The following MYCBPAP variants were observed in gnomAD, a reference collection of about 807,000 sequenced individuals.
MYCBPAP encodes MYCBP-associated protein.
In MYCBPAP, 60 loss-of-function variants were observed where a neutral mutation model predicts 106.1. The ratio of observed to expected loss-of-function variants is 0.57; its 90% CI spans 0.46 to 0.70. MYCBPAP has a LOEUF of 0.70. Among genes scored for constraint, MYCBPAP ranks in the 30% least tolerant of loss-of-function variants. The probability of loss-of-function intolerance (pLI) is 0.00; values close to 1 mark genes in which losing one functional copy is unlikely to be tolerated. For missense variants in MYCBPAP, 1,064 were observed against 1,169.3 expected, an observed-to-expected ratio of 0.91 and a Z score of 1.31; for synonymous variants, 407 against 440.6, an observed-to-expected ratio of 0.92 and a Z score of 0.95.
chr17:50,529,775 G>T, intron 18 of MYCBPAP: 1 of 456,678 alleles, frequency 2.2e-6, no homozygotes, highest in Admixed American at 2.3e-5. Context: ...GTGCATCCTG[G>T]CAGATGCGTT....
intron 18 of MYCBPAP, 55 bp from the exon 19 acceptor site, chr17:50,531,272 T>C: frequency 8.3e-7 from 1 of 1,208,684 alleles, no homozygotes; most frequent in Non-Finnish European, 1.2e-6. Flanking sequence ...ATAGTTCATA[T>C]ATAGGTGCTT....
chr17:50,508,303 A>C, upstream of MYCBPAP: 1 of 420,980 alleles, frequency 2.4e-6, no homozygotes, highest in Non-Finnish European at 4.2e-6. Context: ...CACCCCTACC[A>C]GCCAGCCACT....
intron 1 of MYCBPAP, among the ~76,000 whole-genome samples, chr17:50,515,568 A>G (rs764133241): frequency 6.6e-6 from 1 of 152,152 alleles, no homozygotes; most frequent in Non-Finnish European, 1.5e-5. Context: ...GTCCCAAACC[A>G]CTGTGCATCA....
At position 50,518,957 on chromosome 17, in the gene MYCBPAP, C is replaced by G; in HGVS notation, c.653-17C>G. 1 of 1,608,764 alleles carries G rather than the reference C, an allele frequency of 6.2e-7. No homozygotes were observed. Among genetic ancestry groups the G allele is most frequent in the Non-Finnish European group, 8.5e-7 (1 of 1,175,840 alleles). ...TCTGGTTCGGCAGAGTGGCGGCAAT[C>G]TTGCCTCTCTCTCTAGAACACCTAA... On this transcript the variant is annotated splice_polypyrimidine_tract_variant and intron_variant, in intron 5 of 18. Transcript: ENST00000323776.
intron 18 of MYCBPAP, among the ~76,000 whole-genome samples, chr17:50,530,667 A>G (rs2034607584): frequency 6.6e-6 from 1 of 151,208 alleles, no homozygotes; most frequent in Non-Finnish European, 1.5e-5. Context: ...CTGGGCTTGT[A>G]TGATCCAACC....
chr17:50,508,653 TTTCATGGTGCCGGGCG>T lies in MYCBPAP; in HGVS notation c.-21_-6del, dbSNP rs1192473195. The T allele has an allele frequency of 4.4e-6, 7 of 1,595,306 alleles. No homozygotes were observed. Among genetic ancestry groups the T allele is most frequent in the Non-Finnish European group, 6.0e-6 (7 of 1,168,910 alleles). On this transcript the variant is annotated 5_prime_UTR_variant, in exon 1 of 19. It removes an upstream start codon present in the reference 5' UTR. Coordinates refer to ENST00000323776, the MANE Select transcript of MYCBPAP (RefSeq NM_032133.6). Reference sequence around the variant, plus strand: ...TCTGGGCCGGCGGTGCAGGGCAACGTTTCATGGTGCCGGGCGGCACCATGAAGTCTCTAAAGAAGGA... The same window carrying T: ...TCTGGGCCGGCGGTGCAGGGCAACGTGCACCATGAAGTCTCTAAAGAAGGA...
In MYCBPAP at chr17:50,508,649, AACGTTTCATGGTGCCGGG is replaced by A; in HGVS notation, c.-25_-8del. On this transcript the variant is annotated 5_prime_UTR_variant, in exon 1 of 19. An upstream start codon of the reference 5' UTR is lost. Coordinates refer to ENST00000323776, the MANE Select transcript of MYCBPAP (RefSeq NM_032133.6). ...TGTCTCTGGGCCGGCGGTGCAGGGC[AACGTTTCATGGTGCCGGG>A]CGGCACCATGAAGTCTCTAAAGAAG... 8.8e-6 allele frequency: 14 copies of A among 1,592,816 alleles called. No homozygotes were observed. Among genetic ancestry groups the A allele is most frequent in the Non-Finnish European group, 1.2e-5 (14 of 1,167,382 alleles).
chr17:50,528,251 G>C lies in MYCBPAP; in HGVS notation c.2388G>C (p.Leu796Phe), dbSNP rs1219057261. Reference sequence around the variant, plus strand: ...TGCCTGAGAAGGAGACCATCTATTTGAATGTGCCTGAAGAGCAAGGTCAGA... The same window carrying C: ...TGCCTGAGAAGGAGACCATCTATTTCAATGTGCCTGAAGAGCAAGGTCAGA... ...LGLPEKETIY[L>F]NVPEEQDQKS... is the part of the protein sequence containing the mutation. Residue 796 changes from leucine (L) to phenylalanine (F), a missense_variant, in exon 16 of 19, where the codon TTG becomes TTC. Transcript: ENST00000323776. 1.2e-6 allele frequency: 2 copies of C among 1,613,752 alleles called. No individual in the cohort carries two copies. The highest frequency in any genetic ancestry group is 4.5e-5 in the East Asian group (2 of 44,882).
At chr17:50,511,185 T>G (rs1485742854) in intron 1 of MYCBPAP, among the ~76,000 whole-genome samples, 2 of 151,942 alleles carry the variant, frequency 1.3e-5, no homozygotes, top group African/African-American at 2.4e-5. Flanking sequence ...CAGTGTCATT[T>G]TGTAACCTTG....
intron 6 of MYCBPAP, 97 bp downstream of exon 6, chr17:50,519,186 C>A: frequency 1.2e-6 from 1 of 849,570 alleles, no homozygotes; most frequent in Non-Finnish European, 1.9e-6. Flanking sequence ...TCTCAGGTGG[C>A]ACAGCTGGGG....
intron 13 of MYCBPAP, among the ~76,000 whole-genome samples, chr17:50,525,411 G>A (rs551171636): frequency 2.8e-4 from 43 of 152,304 alleles, no homozygotes; most frequent in South Asian, 1.7e-3. Context: ...TATGTGCCAA[G>A]CTCTGTTCTG....
chr17:50,519,141 G>C, intron 6 of MYCBPAP, 52 bp downstream of exon 6: 2 of 1,304,708 alleles, frequency 1.5e-6, no homozygotes, highest in Non-Finnish European at 2.2e-6. Flanking sequence ...ATGGAGGAGG[G>C]GGCGGGGGCA....
intron 7 of MYCBPAP, 70 bp downstream of exon 7, chr17:50,519,857 C>A: frequency 6.5e-7 from 1 of 1,528,984 alleles, no homozygotes; most frequent in African/African-American, 1.4e-5. Flanking sequence ...GTGGAAGTGG[C>A]CAGCATAGCT....
rs1427186625 is a variant in MYCBPAP at position 50,523,123 on chromosome 17, G to T, written c.1442G>T (p.Arg481Leu). 1.2e-6 allele frequency: 2 copies of T among 1,613,090 alleles called. No individual in the cohort carries two copies. The highest frequency in any genetic ancestry group is 2.7e-5 in the African/African-American group (2 of 74,912). ...NRMQRFYFDN[R>L]EGVILPGEIK... Reference sequence around the variant, plus strand: ...ATGCAGCGATTTTACTTTGACAACCGGGAAGGTACTCGGGAGAAGCCACCC... The same window carrying T: ...ATGCAGCGATTTTACTTTGACAACCTGGAAGGTACTCGGGAGAAGCCACCC... The change falls in exon 11 of 19, where the codon CGG (arginine) becomes CTG (leucine). Residue 481 changes from arginine (R) to leucine (L), a missense_variant. Coordinates refer to ENST00000323776, the MANE Select transcript of MYCBPAP (RefSeq NM_032133.6).
chr17:50,529,246 T>G, intron 18 of MYCBPAP, 58 bp downstream of exon 18: 1 of 1,499,122 alleles, frequency 6.7e-7, no homozygotes, highest in Non-Finnish European at 9.0e-7. Flanking sequence ...ATTCATTCCG[T>G]TCAGTCTGCA....
rs2034318437 is a variant in MYCBPAP at position 50,522,722 on chromosome 17, A to G, written c.1258-217A>G. 3.2e-5 allele frequency: 4 copies of G among 125,672 alleles called. 1 individual carries two copies. The South Asian group carries it at 1.0e-3, about 32-fold the overall frequency. 7.8% of individuals were successfully genotyped at this position (125,672 alleles called of 1,614,324 possible). A position where few individuals can be genotyped will look rare whatever the true frequency, so the allele number is the denominator to read the frequency against. ...AAAAAAAAAAAAAATATATATATAT[A>G]TATTTGTTTTATCTTCTCTTCTTGC... On this transcript the variant is annotated intron_variant, in intron 10 of 18. Coordinates refer to ENST00000323776, the MANE Select transcript of MYCBPAP (RefSeq NM_032133.6).
At chr17:50,530,441 G>A (rs2034596492) in intron 18 of MYCBPAP, 1 of 154,944 alleles carries the variant, frequency 6.5e-6, no homozygotes, top group Non-Finnish European at 1.3e-5. Flanking sequence ...GTTGCAGTGA[G>A]CCGAGATCAC....
chr17:50,519,552 C>T, intron 6 of MYCBPAP, 88 bp from the exon 7 acceptor site: 2 of 1,477,824 alleles, frequency 1.4e-6, no homozygotes, highest in African/African-American at 1.4e-5. Context: ...CATCTGTAGC[C>T]TGTGGTGGTG....
Position 50,526,037 on chromosome 17 carries a change from C to T in MYCBPAP, c.1939C>T (p.Arg647Cys), listed in dbSNP as rs376934542. 2.1e-5 allele frequency: 34 copies of T among 1,613,856 alleles called. No homozygotes were observed. The highest frequency in any genetic ancestry group is 7.7e-5 in the South Asian group (7 of 91,086). The stretch of plus-strand genomic sequence containing the variant: ...CTCTGTGAATGCTGAGCTGTTACCA[C>T]GCTTTAGGAGCCCCATCTCCGAAAC... ...KASVNAELLP[R>C]FRSPISETQV... is the part of the protein sequence containing the mutation. The change falls in exon 14 of 19, where the codon CGC (arginine) becomes TGC (cysteine). Residue 647 changes from arginine (R) to cysteine (C), a missense_variant. Coordinates refer to ENST00000323776, the MANE Select transcript of MYCBPAP (RefSeq NM_032133.6).
Sources: gnomAD v4.1 joint callset for allele counts (sites outside exome capture counted in the v4.1 genomes callset) on GRCh38, gnomAD v4.1.1 for gene constraint, MANE v1.5 for transcripts, NCBI Gene and HGNC (gene_info 2026-07-23, HGNC 2026-07-21) for gene names.